The following RFX6 variants were observed in gnomAD, a reference collection of about 807,000 sequenced individuals.
RFX6 encodes DNA-binding protein RFX6.
In RFX6, 50 loss-of-function variants were observed where a neutral mutation model predicts 110.8. The ratio of observed to expected loss-of-function variants is 0.45; its 90% CI spans 0.36 to 0.57. RFX6 has a LOEUF of 0.57. RFX6 is among the 20% of genes least tolerant of loss of function. The pLI, the probability that RFX6 is intolerant of heterozygous loss-of-function variation, is 0.00. For synonymous variants in RFX6, 383 were observed against 411.2 expected, an observed-to-expected ratio of 0.93 and a Z score of 0.83; for missense variants, 990 against 1,127.0, an observed-to-expected ratio of 0.88 and a Z score of 1.74.
At chr6:116,921,322 A>T (rs1775589882) in intron 12 of RFX6, among the ~76,000 whole-genome samples, 1 of 152,224 alleles carries the variant, frequency 6.6e-6, no homozygotes, top group Non-Finnish European at 1.5e-5. Context: ...TAAATGGCTC[A>T]ATTCTGCTGA....
chr6:116,918,673 G>A (rs932111782), intron 10 of RFX6, among the ~76,000 whole-genome samples: 9 of 151,592 alleles, frequency 5.9e-5, no homozygotes, highest in African/African-American at 2.2e-4. Context: ...GTATTTTGGG[G>A]GTACAAATTC....
chr6:116,907,945 A>G (rs914899237), intron 6 of RFX6, among the ~76,000 whole-genome samples: 1 of 152,118 alleles, frequency 6.6e-6, no homozygotes, highest in African/African-American at 2.4e-5. Flanking sequence ...TATTAGGTAC[A>G]TGTACATAAA....
intron 6 of RFX6, among the ~76,000 whole-genome samples, chr6:116,896,092 C>T (rs2114674544): frequency 6.6e-6 from 1 of 152,160 alleles, no homozygotes; most frequent in South Asian, 2.1e-4. Flanking sequence ...TGTGAAACTG[C>T]AAAAATATTG....
Position 116,927,206 on chromosome 6 carries a change from C to T in RFX6, c.2065C>T (p.Leu689Phe), listed in dbSNP as rs1404441222. ...ATACCCAGAGCCCATTTATCCCACT[C>T]TCCCTCAAGCCAATCATGACTTTTA... is the stretch of plus-strand genomic sequence containing the variant. Reference protein sequence around the residue: ...STYPEPIYPTLPQANHDFYST... With the variant: ...STYPEPIYPTFPQANHDFYST... Residue 689 changes from leucine (L) to phenylalanine (F), a missense_variant, in exon 17 of 19, where the codon CTC becomes TTC. Physicochemically the swap from Leu to Phe is conservative, Grantham distance 22. Transcript: ENST00000332958. 1 of 1,614,190 alleles carries T rather than the reference C, an allele frequency of 6.2e-7. No homozygotes were observed.
At chr6:116,907,913 T>C (rs1428081365) in intron 6 of RFX6, among the ~76,000 whole-genome samples, 1 of 152,132 alleles carries the variant, frequency 6.6e-6, no homozygotes, top group African/African-American at 2.4e-5. Context: ...TCTGTTATTA[T>C]CTGTTATCTG....
chr6:116,899,824 A>G (rs1775027713), intron 6 of RFX6, among the ~76,000 whole-genome samples: 1 of 152,206 alleles, frequency 6.6e-6, no homozygotes, highest in Admixed American at 6.5e-5. Context: ...AAAAACACAC[A>G]CATTGGAAAC....
rs1265058032 is a variant in RFX6 at position 116,877,257 on chromosome 6, G to T, written c.-19G>T. The T allele has an allele frequency of 1.9e-6, 3 of 1,588,398 alleles. No homozygotes were observed. The highest frequency in any genetic ancestry group is 4.6e-5 in the East Asian group (2 of 43,424). ...AACCGGCCGAGCGGCGCGCGCGGAG[G>T]TGTCCGGCGGCCAGGAGGATGGCCA... On this transcript the variant is annotated 5_prime_UTR_variant, in exon 1 of 19. Coordinates refer to ENST00000332958, the MANE Select transcript of RFX6 (RefSeq NM_173560.4).
At chr6:116,910,769 G>C (rs1406720128) in intron 6 of RFX6, among the ~76,000 whole-genome samples, 166 bp from the exon 7 acceptor site, 1 of 152,042 alleles carries the variant, frequency 6.6e-6, no homozygotes. Flanking sequence ...GACATGTCTC[G>C]TTTATTCAGT....
At chr6:116,903,538 T>C (rs1183758060) in intron 6 of RFX6, among the ~76,000 whole-genome samples, 1 of 152,030 alleles carries the variant, frequency 6.6e-6, no homozygotes, top group African/African-American at 2.4e-5. Flanking sequence ...GAGTCCTCTG[T>C]GCACCCACTT....
intron 9 of RFX6, among the ~76,000 whole-genome samples, chr6:116,917,763 T>G (rs150882029): frequency 1.9e-3 from 290 of 152,218 alleles, no homozygotes; most frequent in African/African-American, 6.6e-3. Flanking sequence ...CAGCTTTTCA[T>G]CATAAAACGG....
intron 4 of RFX6, among the ~76,000 whole-genome samples, chr6:116,889,584 G>T: frequency 6.6e-6 from 1 of 152,182 alleles, no homozygotes; most frequent in East Asian, 1.9e-4. Context: ...GATGGAAGAA[G>T]GGTATTCCCA....
intron 6 of RFX6, among the ~76,000 whole-genome samples, chr6:116,910,545 A>C (rs998972727): frequency 1.3e-5 from 2 of 152,182 alleles, no homozygotes; most frequent in Non-Finnish European, 2.9e-5. Flanking sequence ...AATTTGTAAA[A>C]AGGAAGGTTG....
At chr6:116,898,250 A>C (rs1423665902) in intron 6 of RFX6, among the ~76,000 whole-genome samples, 1 of 152,178 alleles carries the variant, frequency 6.6e-6, no homozygotes, top group Non-Finnish European at 1.5e-5. Flanking sequence ...TTGGTTTGTG[A>C]AATGAGTGGG....
chr6:116,877,687 T>TCCC, intron 1 of RFX6, 109 bp from the exon 2 acceptor site: 2 of 844,962 alleles, frequency 2.4e-6, no homozygotes, highest in Non-Finnish European at 3.8e-6. Flanking sequence ...TTTCCTCCCC[T>TCCC]CCGCCCCCAC....
chr6:116,915,902 G>T, intron 7 of RFX6, 106 bp from the exon 8 acceptor site: 1 of 830,374 alleles, frequency 1.2e-6, no homozygotes, highest in Admixed American at 1.8e-5. Flanking sequence ...TGAGCATACT[G>T]CTTGGTACGT....
intron 7 of RFX6, among the ~76,000 whole-genome samples, chr6:116,913,541 A>G (rs1284920337): frequency 1.3e-5 from 2 of 152,176 alleles, no homozygotes; most frequent in Non-Finnish European, 2.9e-5. Context: ...TGCCCACTCT[A>G]GTACAATGTC....
At chr6:116,927,625 C>A in intron 17 of RFX6, 86 bp downstream of exon 17, 3 of 1,063,978 alleles carry the variant, frequency 2.8e-6, no homozygotes, top group South Asian at 1.3e-5. Context: ...TGCTGACTAG[C>A]ATGTCCTTTC....
intron 4 of RFX6, chr6:116,884,642 A>G (rs963284296): frequency 1.8e-4 from 27 of 152,170 alleles, no homozygotes; most frequent in African/African-American, 6.0e-4. Flanking sequence ...ATGAAGAGAA[A>G]CCCTCTTGAC....
chr6:116,893,494 T>C (rs1289597897), intron 4 of RFX6, among the ~76,000 whole-genome samples: 15 of 152,186 alleles, frequency 9.9e-5, no homozygotes, highest in Admixed American at 9.2e-4. Flanking sequence ...TAGTAGTGAA[T>C]TGGACTTTTG....
Sources: gnomAD v4.1 joint callset for allele counts (sites outside exome capture counted in the v4.1 genomes callset) on GRCh38, gnomAD v4.1.1 for gene constraint, MANE v1.5 for transcripts, NCBI Gene and HGNC (gene_info 2026-07-23, HGNC 2026-07-21) for gene names.